Variants in TMEFF2 observed in about 807,000 individuals in gnomAD.
TMEFF2 encodes tomoregulin-2.
A neutral mutation model predicts 53.8 loss-of-function variants in TMEFF2; 28 were observed. The ratio of observed to expected loss-of-function variants is 0.52; its 90% CI spans 0.39 to 0.71. The LOEUF is 0.71. TMEFF2 is among the 30% of genes least tolerant of loss of function. The pLI is 0.00. For synonymous variants in TMEFF2, 162 were observed against 166.3 expected, an observed-to-expected ratio of 0.97 and a Z score of 0.20; for missense variants, 353 against 455.2, an observed-to-expected ratio of 0.78 and a Z score of 2.04.
At chr2:192,186,019 T>C (rs912943719) in intron 2 of TMEFF2, among the ~76,000 whole-genome samples, 9 of 152,286 alleles carry the variant, frequency 5.9e-5, no homozygotes, top group Admixed American at 5.9e-4. Flanking sequence ...ATATTCTTTA[T>C]CTTAATTTCT....
chr2:192,023,516 A>G (rs1025668078), intron 5 of TMEFF2, among the ~76,000 whole-genome samples: 2 of 152,160 alleles, frequency 1.3e-5, no homozygotes, highest in Admixed American at 1.3e-4. Flanking sequence ...AAGGCTGCAC[A>G]GTTTTTGATT....
intron 5 of TMEFF2, among the ~76,000 whole-genome samples, chr2:192,055,434 C>T (rs1433985789): frequency 1.3e-5 from 2 of 152,092 alleles, no homozygotes; most frequent in Non-Finnish European, 2.9e-5. Context: ...GTTTTGGGAA[C>T]CACAAATTCA....
intron 5 of TMEFF2, among the ~76,000 whole-genome samples, chr2:192,019,874 T>C (rs962057934): frequency 6.6e-6 from 1 of 152,038 alleles, no homozygotes; most frequent in African/African-American, 2.4e-5. Context: ...TTAAAGGCCT[T>C]GAGGTTTCAT....
In TMEFF2 at chr2:192,020,121, G is replaced by A. The variant is rs147889682; in HGVS notation, c.537-20913C>T. 3.2e-3 allele frequency among the ~76,000 whole-genome samples: 493 copies of A among 152,166 alleles called. 2 individuals are homozygous for A. Among genetic ancestry groups the A allele is most frequent in the African/African-American group, 0.011 (478 of 41,568 alleles). On this transcript the variant is annotated intron_variant, in intron 5 of 9. Coordinates refer to ENST00000272771, the MANE Select transcript of TMEFF2 (RefSeq NM_016192.4). ...GCTAAAAAAGAAATTGTTCTGAATT[G>A]TAAGTTTTTCTTCCCTACCCTCTTT...
intron 5 of TMEFF2, among the ~76,000 whole-genome samples, chr2:192,049,662 C>T (rs1687715601): frequency 6.6e-6 from 1 of 152,072 alleles, no homozygotes; most frequent in Admixed American, 6.6e-5. Context: ...CTACCATTAA[C>T]AGGGTGTGGC....
At chr2:191,958,751 T>G (rs1481655556) in intron 7 of TMEFF2, among the ~76,000 whole-genome samples, 1 of 152,200 alleles carries the variant, frequency 6.6e-6, no homozygotes, top group Non-Finnish European at 1.5e-5. Context: ...AGTGCTCTGT[T>G]ATGCTGCTCA....
intron 4 of TMEFF2, among the ~76,000 whole-genome samples, chr2:192,072,096 T>C (rs1035998734): frequency 1.3e-4 from 19 of 151,932 alleles, no homozygotes; most frequent in Admixed American, 1.3e-3. Context: ...GCTAGCCTTA[T>C]ACGAGAGGTG....
At position 191,990,033 on chromosome 2, in the gene TMEFF2, A is replaced by G. The variant is rs143555945; in HGVS notation, c.745+8229T>C. Among the ~76,000 whole-genome samples, 385 of 152,146 alleles carry G rather than the reference A, an allele frequency of 2.5e-3. 3 individuals carry two copies. The highest frequency in any genetic ancestry group is 8.6e-3 in the African/African-American group (357 of 41,512). On this transcript the variant is annotated intron_variant, in intron 7 of 9. Transcript: ENST00000272771. ...TGGAGTACTGTCCTCCTTAATCCTC[A>G]TTACTATTCCTAGATTACTAGGCCA...
intron 7 of TMEFF2, among the ~76,000 whole-genome samples, chr2:191,966,888 T>C (rs1692486903): frequency 6.6e-6 from 1 of 151,870 alleles, no homozygotes; most frequent in South Asian, 2.1e-4. Flanking sequence ...ACTGGAGGGG[T>C]TTTTATAATT....
chr2:192,104,955 G>A (rs778112415), intron 4 of TMEFF2, among the ~76,000 whole-genome samples: 2 of 152,044 alleles, frequency 1.3e-5, no homozygotes, highest in South Asian at 2.1e-4. Context: ...AACCCTGACT[G>A]TTATCTCATG....
At chr2:192,193,798 A>AGAGAGAGAGAGGGAGG (rs1559167269) in intron 1 of TMEFF2, among the ~76,000 whole-genome samples, 13 of 139,916 alleles carry the variant, frequency 9.3e-5, no homozygotes, top group African/African-American at 2.8e-4. Context: ...AGAGAGAGAG[A>AGAGAGAGAGAGGGAGG]GAGAGAGAGA....
intron 1 of TMEFF2, among the ~76,000 whole-genome samples, chr2:192,193,642 C>T (rs1184488679): frequency 6.6e-6 from 1 of 152,102 alleles, no homozygotes; most frequent in African/African-American, 2.4e-5. Context: ...TTTTTCTCAA[C>T]TCCCCTGTAC....
chr2:192,064,304 A>G (rs1688118110), intron 4 of TMEFF2, among the ~76,000 whole-genome samples: 1 of 151,824 alleles, frequency 6.6e-6, no homozygotes, highest in Admixed American at 6.6e-5. Context: ...TCTAATTATC[A>G]TATTCCAGTC....
chr2:191,984,060 T>G (rs538235020), intron 7 of TMEFF2, among the ~76,000 whole-genome samples: 9 of 152,314 alleles, frequency 5.9e-5, no homozygotes, highest in African/African-American at 2.2e-4. Flanking sequence ...GCTGAAAATA[T>G]TATGTTAATT....
At chr2:191,998,666 T>A (rs1686281916) in intron 6 of TMEFF2, among the ~76,000 whole-genome samples, 1 of 151,964 alleles carries the variant, frequency 6.6e-6, no homozygotes, top group South Asian at 2.1e-4. Context: ...AAATGCATTT[T>A]AAATATTTGT....
intron 4 of TMEFF2, among the ~76,000 whole-genome samples, chr2:192,075,328 T>C (rs188781874): frequency 0.024 from 2,180 of 90,734 alleles, 240 homozygotes; most frequent in African/African-American, 0.087. Flanking sequence ...TATATATATA[T>C]ATATACATAC....
intron 7 of TMEFF2, among the ~76,000 whole-genome samples, chr2:191,960,993 A>G (rs1325152304): frequency 6.6e-6 from 1 of 152,188 alleles, no homozygotes; most frequent in Non-Finnish European, 1.5e-5. Flanking sequence ...TTTACTTATG[A>G]TTAATCATGA....
intron 4 of TMEFF2, among the ~76,000 whole-genome samples, chr2:192,149,865 T>A (rs894239780): frequency 6.6e-6 from 1 of 151,996 alleles, no homozygotes; most frequent in Non-Finnish European, 1.5e-5. Flanking sequence ...AACACACAAT[T>A]CCATGAAGGC....
intron 4 of TMEFF2, among the ~76,000 whole-genome samples, chr2:192,069,093 A>AC (rs1029460333): frequency 1.3e-5 from 2 of 150,360 alleles, no homozygotes; most frequent in Admixed American, 1.3e-4. Flanking sequence ...ACCTTCCTTG[A>AC]CCCCCTACTC....
Sources: gnomAD v4.1 joint callset for allele counts (sites outside exome capture counted in the v4.1 genomes callset) on GRCh38, gnomAD v4.1.1 for gene constraint, MANE v1.5 for transcripts, NCBI Gene and HGNC (gene_info 2026-07-23, HGNC 2026-07-21) for gene names.